Variants in DAB1 observed in about 807,000 individuals in gnomAD.
DAB1 encodes disabled homolog 1.
Under a neutral mutation model 64.6 loss-of-function variants are expected in DAB1, and 15 were observed. The observed-to-expected ratio is 0.23, with a 90% CI of 0.16 to 0.36. DAB1 has a LOEUF of 0.36. Among genes scored for constraint, DAB1 ranks in the 10% least tolerant of loss-of-function variants. DAB1 has a pLI of 1.00. For missense variants in DAB1, 596 were observed against 706.7 expected (o/e 0.84, Z 1.78); for synonymous variants, 235 against 251.9 (o/e 0.93, Z 0.64).
At chr1:58,540,700 G>GA (rs1174062131) in intron 1 of DAB1, among the ~76,000 whole-genome samples, 1 of 145,368 alleles carries the variant, frequency 6.9e-6, no homozygotes, top group Admixed American at 7.4e-5. Context: ...GAAATACAGA[G>GA]AAAAAATACA....
At chr1:57,797,627 G>A (rs1285338093) in intron 6 of DAB1, among the ~76,000 whole-genome samples, 4 of 152,208 alleles carry the variant, frequency 2.6e-5, no homozygotes, top group Non-Finnish European at 5.9e-5. Context: ...TGATTCTTCA[G>A]TGATAGTAAT....
chr1:57,800,824 G>A (rs1651090230), intron 6 of DAB1, among the ~76,000 whole-genome samples: 1 of 152,166 alleles, frequency 6.6e-6, no homozygotes, highest in Admixed American at 6.5e-5. Context: ...TGAGATGAGT[G>A]CTACCCTTAA....
chr1:57,284,750 G>T (rs1364140011), intron 2 of DAB1, among the ~76,000 whole-genome samples: 20 of 152,144 alleles, frequency 1.3e-4, no homozygotes, highest in Non-Finnish European at 2.2e-4. Context: ...AAGCTCCTAT[G>T]AGGTAAGCCA....
At chr1:57,850,953 C>G (rs1047974294) in intron 1 of DAB1, among the ~76,000 whole-genome samples, 1 of 152,164 alleles carries the variant, frequency 6.6e-6, no homozygotes, top group Non-Finnish European at 1.5e-5. Flanking sequence ...CCTTCCACCC[C>G]CTGCAAGCCC....
At chr1:58,168,250 T>G (rs1655970212) in intron 4 of DAB1, among the ~76,000 whole-genome samples, 1 of 152,182 alleles carries the variant, frequency 6.6e-6, no homozygotes, top group African/African-American at 2.4e-5. Context: ...CAGCTTCCGC[T>G]TTTCCTTTAC....
At chr1:57,114,001 G>A (rs550102432) in intron 4 of DAB1, among the ~76,000 whole-genome samples, 9 of 152,278 alleles carry the variant, frequency 5.9e-5, no homozygotes, top group African/African-American at 2.2e-4. Context: ...TGTTTTTGGT[G>A]ATGCCTCAAA....
At chr1:57,342,693 C>T (rs2100832965) in intron 1 of DAB1, among the ~76,000 whole-genome samples, 1 of 152,262 alleles carries the variant, frequency 6.6e-6, no homozygotes, top group South Asian at 2.1e-4. Flanking sequence ...GAGTTTGTTC[C>T]TTCTGATGTT....
chr1:57,949,467 CTAT>C (rs1645235094), intron 5 of DAB1, among the ~76,000 whole-genome samples: 1 of 124,032 alleles, frequency 8.1e-6, no homozygotes, highest in Non-Finnish European at 1.8e-5. Flanking sequence ...CTTTATCTAT[CTAT>C]CTATCTATCT....
chr1:57,812,496 G>A (rs1263680716), intron 6 of DAB1, among the ~76,000 whole-genome samples: 1 of 152,148 alleles, frequency 6.6e-6, no homozygotes, highest in Non-Finnish European at 1.5e-5. Flanking sequence ...GGCGAAGGAA[G>A]GGGAGGCCGC....
intron 5 of DAB1, among the ~76,000 whole-genome samples, chr1:57,950,333 T>C (rs1264260978): frequency 6.6e-6 from 1 of 152,218 alleles, no homozygotes; most frequent in Non-Finnish European, 1.5e-5. Context: ...AAATCCTTAA[T>C]AAATGTTAGC....
intron 6 of DAB1, among the ~76,000 whole-genome samples, chr1:57,727,193 T>G (rs1211210504): frequency 6.6e-6 from 1 of 152,190 alleles, no homozygotes; most frequent in Non-Finnish European, 1.5e-5. Flanking sequence ...AAATATTTAC[T>G]TACATCTCAC....
intron 5 of DAB1, among the ~76,000 whole-genome samples, chr1:57,899,176 C>T (rs1241962414): frequency 2.0e-5 from 3 of 152,112 alleles, no homozygotes; most frequent in Admixed American, 6.6e-5. Context: ...TTCTTGCAAA[C>T]GTGTGAGTTT....
chr1:57,311,510 TC>T (rs1411982661), intron 1 of DAB1, among the ~76,000 whole-genome samples: 2 of 142,114 alleles, frequency 1.4e-5, no homozygotes, highest in African/African-American at 3.1e-5. Flanking sequence ...CTTCCCCACC[TC>T]CTGCCAACCA....
intron 9 of DAB1, among the ~76,000 whole-genome samples, chr1:57,048,058 C>A (rs530421079): frequency 6.6e-6 from 1 of 152,280 alleles, no homozygotes; most frequent in Admixed American, 6.5e-5. Flanking sequence ...TTATTCAATT[C>A]TTAAAAGAAC....
At chr1:57,153,077 G>T (rs79200396) in intron 2 of DAB1, among the ~76,000 whole-genome samples, 1 of 152,134 alleles carries the variant, frequency 6.6e-6, no homozygotes, top group East Asian at 1.9e-4. Context: ...CCAGGCTGAC[G>T]TGCAGTGGTA....
intron 5 of DAB1, among the ~76,000 whole-genome samples, chr1:58,079,776 C>T (rs1570324175): frequency 6.6e-6 from 1 of 151,990 alleles, no homozygotes; most frequent in Non-Finnish European, 1.5e-5. Flanking sequence ...GCCTCAACCT[C>T]CCAAAGTGCT....
At chr1:58,254,961 C>A (rs1660893678) in intron 4 of DAB1, among the ~76,000 whole-genome samples, 2 of 69,220 alleles carry the variant, frequency 2.9e-5, no homozygotes, top group Non-Finnish European at 5.0e-5. Context: ...TTCTAGATCC[C>A]TGAGGAATCG....
At chr1:57,163,823 G>A (rs1418744045) in intron 2 of DAB1, among the ~76,000 whole-genome samples, 1 of 152,164 alleles carries the variant, frequency 6.6e-6, no homozygotes, top group Non-Finnish European at 1.5e-5. Flanking sequence ...TTTGGCTTGA[G>A]CACCTTAGTG....
intron 3 of DAB1, among the ~76,000 whole-genome samples, chr1:58,503,067 C>T (rs1318918050): frequency 1.3e-5 from 2 of 152,160 alleles, no homozygotes; most frequent in Non-Finnish European, 2.9e-5. Context: ...TCCGAAGATG[C>T]TCAGTAATTT....
Sources: gnomAD v4.1 joint callset for allele counts (sites outside exome capture counted in the v4.1 genomes callset) on GRCh38, gnomAD v4.1.1 for gene constraint, MANE v1.5 for transcripts, NCBI Gene and HGNC (gene_info 2026-07-23, HGNC 2026-07-21) for gene names.